RAB6B: variants seen among roughly 807,000 people sequenced by gnomAD.
RAB6B encodes the protein RAB6B, member RAS oncogene family, also known as ras-related protein Rab-6B.
RAB6B carries 7 observed loss-of-function variants against 31.2 expected under a neutral mutation model. That is an observed-to-expected ratio of 0.22 (90% CI 0.13 to 0.42). The LOEUF (loss-of-function observed/expected upper bound fraction) is 0.42. RAB6B is among the 10% of genes least tolerant of loss of function. RAB6B has a pLI of 1.00. For synonymous variants in RAB6B, 105 were observed against 104.9 expected, an observed-to-expected ratio of 1.00 and a Z score of -0.01; for missense variants, 149 against 280.6, an observed-to-expected ratio of 0.53 and a Z score of 3.35.
At chr3:133,893,621 G>A (rs1429311895) in intron 1 of RAB6B, among the ~76,000 whole-genome samples, 3 of 152,134 alleles carry the variant, frequency 2.0e-5, no homozygotes, top group Non-Finnish European at 2.9e-5. Flanking sequence ...ACCTACCAGG[G>A]GCCAGGCACT....
At chr3:133,835,237 G>T (rs917233401) in intron 6 of RAB6B, among the ~76,000 whole-genome samples, 2 of 152,172 alleles carry the variant, frequency 1.3e-5, no homozygotes, top group Non-Finnish European at 2.9e-5. Context: ...ATTGTGTGTA[G>T]GAGTGTGTGT....
intron 7 of RAB6B, among the ~76,000 whole-genome samples, chr3:133,831,730 G>A (rs964296572): frequency 1.1e-4 from 16 of 152,302 alleles, no homozygotes; most frequent in African/African-American, 3.4e-4. Flanking sequence ...GTGCCTTTCC[G>A]GCAGGCATGG....
chr3:133,862,850 A>T (rs778566318), intron 2 of RAB6B, among the ~76,000 whole-genome samples: 3 of 152,210 alleles, frequency 2.0e-5, no homozygotes, highest in Non-Finnish European at 4.4e-5. Context: ...CCAACCAACC[A>T]AGAGTCTCAC....
In RAB6B at chr3:133,878,515, A is replaced by T. The variant is rs1175646555; in HGVS notation, c.71-13873T>A. 5.9e-5 allele frequency among the ~76,000 whole-genome samples: 9 copies of T among 152,320 alleles called. No homozygotes were observed. The South Asian group carries it at 1.0e-3, about 18-fold the overall frequency. The stretch of plus-strand genomic sequence containing the variant: ...AGCTGACAGAATTCATCACCAGCAC[A>T]CTCTCACATCAAGAAATGTTAAAGA... On this transcript the variant is annotated intron_variant, in intron 1 of 7. Transcript: ENST00000285208.
Position 133,826,958 on chromosome 3 carries a change from T to C in RAB6B, c.*1830A>G, listed in dbSNP as rs1317202598. 1 of 152,674 alleles carries C rather than the reference T, an allele frequency of 6.5e-6. No individual in the cohort carries two copies. The highest frequency in any genetic ancestry group is 1.5e-5 in the Non-Finnish European group (1 of 68,054). 9.5% of individuals were successfully genotyped at this position (152,674 alleles called of 1,614,324 possible). A position where few individuals can be genotyped will look rare whatever the true frequency, so the allele number is the denominator to read the frequency against. ...CTATATATAATTATGTACACACATA[T>C]AAAAACTAAACACATGACATCTGAA... On this transcript the variant is annotated 3_prime_UTR_variant, in exon 8 of 8. Coordinates refer to ENST00000285208, the MANE Select transcript of RAB6B (RefSeq NM_016577.4).
intron 1 of RAB6B, among the ~76,000 whole-genome samples, chr3:133,890,571 G>C (rs1269194023): frequency 6.6e-6 from 1 of 152,092 alleles, no homozygotes; most frequent in African/African-American, 2.4e-5. Context: ...TTAAGATATT[G>C]CTGGTAAAAA....
At chr3:133,834,252 G>A (rs1935698417) in intron 7 of RAB6B, among the ~76,000 whole-genome samples, 1 of 152,110 alleles carries the variant, frequency 6.6e-6, no homozygotes, top group African/African-American at 2.4e-5. Flanking sequence ...CTCTGCCTGT[G>A]TTCATGAAAC....
intron 1 of RAB6B, among the ~76,000 whole-genome samples, chr3:133,876,152 T>C (rs754704143): frequency 4.6e-5 from 7 of 152,260 alleles, no homozygotes; most frequent in Admixed American, 2.6e-4. Context: ...TGTAGGCAAA[T>C]AACTGAGGCT....
chr3:133,870,202 C>T (rs1196684250), intron 1 of RAB6B, among the ~76,000 whole-genome samples: 1 of 152,194 alleles, frequency 6.6e-6, no homozygotes, highest in Admixed American at 6.5e-5. Context: ...GCACCTTCTT[C>T]ACAAGGCAGC....
Position 133,880,607 on chromosome 3 carries a change from C to A in RAB6B, c.70+14790G>T, listed in dbSNP as rs531485360. On this transcript the variant is annotated intron_variant, in intron 1 of 7. Coordinates refer to ENST00000285208, the MANE Select transcript of RAB6B (RefSeq NM_016577.4). ...TGACCTGCTAACCCAGGAAGCCCTG[C>A]GGTCTCCATCAACACAGGAAGCTGT... Among the ~76,000 whole-genome samples the A allele has an allele frequency of 2.0e-5, 3 of 152,374 alleles. No homozygotes were observed. The East Asian group carries it at 5.8e-4, about 29-fold the overall frequency.
intron 1 of RAB6B, among the ~76,000 whole-genome samples, chr3:133,875,567 C>T (rs1193973861): frequency 1.3e-5 from 2 of 152,122 alleles, no homozygotes; most frequent in Non-Finnish European, 2.9e-5. Context: ...TTCCAAAGCC[C>T]CCAGGCCCAG....
chr3:133,864,459 C>T, intron 2 of RAB6B, 125 bp downstream of exon 2: 1 of 933,194 alleles, frequency 1.1e-6, no homozygotes, highest in South Asian at 1.4e-5. Context: ...AGGTGGGAAG[C>T]TCCTCCATAG....
At chr3:133,876,895 T>C (rs1293827995) in intron 1 of RAB6B, among the ~76,000 whole-genome samples, 1 of 151,214 alleles carries the variant, frequency 6.6e-6, no homozygotes, top group South Asian at 2.1e-4. Context: ...AACAAATGAA[T>C]ACACACACAA....
At chr3:133,835,285 ATG>A (rs1171927182) in intron 6 of RAB6B, among the ~76,000 whole-genome samples, 1 of 151,990 alleles carries the variant, frequency 6.6e-6, no homozygotes, top group Non-Finnish European at 1.5e-5. Flanking sequence ...TGCGTGGAAA[ATG>A]TGTGTGTTGT....
At chr3:133,833,660 G>A (rs185783677) in intron 7 of RAB6B, among the ~76,000 whole-genome samples, 175 of 152,296 alleles carry the variant, frequency 1.1e-3, no homozygotes, top group African/African-American at 3.4e-3. Flanking sequence ...TCTTCCCAGG[G>A]CCCTTCTTTG....
chr3:133,875,487 G>A (rs577373754), intron 1 of RAB6B, among the ~76,000 whole-genome samples: 2 of 152,274 alleles, frequency 1.3e-5, no homozygotes, highest in Admixed American at 1.3e-4. Flanking sequence ...TTCTGGAGAC[G>A]CACTATACAG....
intron 2 of RAB6B, among the ~76,000 whole-genome samples, chr3:133,861,568 G>A (rs1936161557): frequency 6.6e-6 from 1 of 152,234 alleles, no homozygotes; most frequent in South Asian, 2.1e-4. Flanking sequence ...GAACTCACCA[G>A]CTGTCACTGA....
Position 133,828,378 on chromosome 3 carries a change from A to C in RAB6B, c.*410T>G. On this transcript the variant is annotated 3_prime_UTR_variant, in exon 8 of 8. Coordinates refer to ENST00000285208, the MANE Select transcript of RAB6B (RefSeq NM_016577.4). Reference sequence around the variant, plus strand: ...GGAAGGCAGAGGTGATGAATGGTTCAAAGAGAACAGGAAGGAGGAGGTGTG... The same window carrying C: ...GGAAGGCAGAGGTGATGAATGGTTCCAAGAGAACAGGAAGGAGGAGGTGTG... 1 of 351,994 alleles carries C rather than the reference A, an allele frequency of 2.8e-6. No homozygotes were observed. 21.8% of individuals were successfully genotyped at this position (351,994 alleles called of 1,614,324 possible).
intron 5 of RAB6B, among the ~76,000 whole-genome samples, chr3:133,838,978 A>G (rs1935781284): frequency 6.6e-6 from 1 of 152,224 alleles, no homozygotes; most frequent in Admixed American, 6.5e-5. Context: ...GGAGGGCAGC[A>G]TGGAGGAGCC....
Sources: allele counts gnomAD v4.1 joint callset (sites outside exome capture counted in the v4.1 genomes callset), GRCh38; gene constraint gnomAD v4.1.1; transcripts MANE v1.5; gene names NCBI Gene and HGNC (gene_info 2026-07-23, HGNC 2026-07-21).